CADPS2: variants seen among roughly 807,000 people sequenced by gnomAD.
The protein encoded by CADPS2 is calcium-dependent secretion activator 2.
CADPS2 carries 93 observed loss-of-function variants against 172.5 expected under a neutral mutation model. The observed-to-expected ratio is 0.54, with a 90% CI of 0.46 to 0.64. CADPS2 has a LOEUF of 0.64. Among genes scored for constraint, CADPS2 ranks in the 30% least tolerant of loss-of-function variants. The pLI is 0.00. For synonymous variants in CADPS2, 546 were observed against 555.2 expected, an observed-to-expected ratio of 0.98 and a Z score of 0.23; for missense variants, 1,420 against 1,565.9, an observed-to-expected ratio of 0.91 and a Z score of 1.57.
chr7:122,428,452 C>CATAT (rs35344551), intron 17 of CADPS2, among the ~76,000 whole-genome samples: 26 of 144,484 alleles, frequency 1.8e-4, no homozygotes, highest in South Asian at 1.5e-3. Flanking sequence ...TATATACACA[C>CATAT]ATATATATAT....
intron 6 of CADPS2, among the ~76,000 whole-genome samples, chr7:122,590,213 T>C (rs540544409): frequency 6.6e-6 from 1 of 151,988 alleles, no homozygotes; most frequent in East Asian, 1.9e-4. Flanking sequence ...CATGTCCCGA[T>C]TTCAAAACCT....
At chr7:122,343,801 A>G (rs890700487) in intron 28 of CADPS2, among the ~76,000 whole-genome samples, 5 of 152,224 alleles carry the variant, frequency 3.3e-5, no homozygotes, top group African/African-American at 1.2e-4. Context: ...ATTAGCAGAA[A>G]AAGTAAAAGA....
rs140377486 is a variant in CADPS2, at chr7:122,439,804, C to T, written c.2353-1340G>A. ...ACCATTAAATGTGATTATTACTAAACTTTAAGATTAATTTTGTTTCATATG... is the reference window on the plus strand; with the variant it reads ...ACCATTAAATGTGATTATTACTAAATTTTAAGATTAATTTTGTTTCATATG... On this transcript the variant is annotated intron_variant, in intron 16 of 29. Transcript: ENST00000449022. Among the ~76,000 whole-genome samples, 254 of 152,174 alleles carry T rather than the reference C, an allele frequency of 1.7e-3. 1 individual carries two copies. Among genetic ancestry groups the T allele is most frequent in the African/African-American group, 6.0e-3 (251 of 41,536 alleles).
intron 6 of CADPS2, among the ~76,000 whole-genome samples, chr7:122,588,665 A>G (rs1202881968): frequency 6.6e-6 from 1 of 151,990 alleles, no homozygotes; most frequent in Non-Finnish European, 1.5e-5. Flanking sequence ...CTTGGGAAGT[A>G]GAAAATCTTT....
At chr7:122,834,834 G>A (rs1405922274) in intron 1 of CADPS2, among the ~76,000 whole-genome samples, 7 of 152,214 alleles carry the variant, frequency 4.6e-5, no homozygotes, top group Non-Finnish European at 1.0e-4. Context: ...AGGCCTGCCT[G>A]CCTCTGTAGA....
chr7:122,648,192 C>A (rs947597291), intron 3 of CADPS2, among the ~76,000 whole-genome samples: 3 of 152,082 alleles, frequency 2.0e-5, no homozygotes, highest in Admixed American at 6.6e-5. Context: ...TCCCACCCCA[C>A]TGTTTCTTTC....
At chr7:122,432,092 G>A (rs1259835422) in intron 17 of CADPS2, among the ~76,000 whole-genome samples, 7 of 151,772 alleles carry the variant, frequency 4.6e-5, no homozygotes, top group East Asian at 1.9e-4. Context: ...CTTTTGTGAC[G>A]CAGCTGAGGT....
At chr7:122,801,757 C>CTT (rs201820529) in intron 1 of CADPS2, among the ~76,000 whole-genome samples, 1 of 143,950 alleles carries the variant, frequency 6.9e-6, no homozygotes, top group East Asian at 2.0e-4. Context: ...CCAAGAGAAT[C>CTT]TTTTTTTTTA....
chr7:122,365,347 A>G (rs1479075513), intron 25 of CADPS2, among the ~76,000 whole-genome samples: 1 of 152,210 alleles, frequency 6.6e-6, no homozygotes, highest in Non-Finnish European at 1.5e-5. Context: ...GGGATTAACC[A>G]GCTGAGGTGT....
chr7:122,439,458 A>G (rs1422443475), intron 16 of CADPS2: 1 of 152,174 alleles, frequency 6.6e-6, no homozygotes, highest in African/African-American at 2.4e-5. Context: ...GGAATATTGA[A>G]AGAATATGAA....
intron 27 of CADPS2, among the ~76,000 whole-genome samples, chr7:122,358,849 T>C (rs749818323): frequency 6.6e-6 from 1 of 152,154 alleles, no homozygotes; most frequent in Non-Finnish European, 1.5e-5. Context: ...ATCTATGGTA[T>C]AGTATGTTCT....
intron 2 of CADPS2, among the ~76,000 whole-genome samples, chr7:122,681,901 GA>G (rs1259101363): frequency 3.3e-5 from 5 of 151,668 alleles, no homozygotes; most frequent in African/African-American, 1.2e-4. Context: ...AATGGGATTT[GA>G]AAAGCATAAA....
intron 20 of CADPS2, among the ~76,000 whole-genome samples, chr7:122,403,248 A>G (rs1313501721): frequency 1.3e-5 from 2 of 152,156 alleles, no homozygotes; most frequent in African/African-American, 4.8e-5. Context: ...TTTGGGGTAA[A>G]AGTCACTGCA....
chr7:122,575,246 G>A (rs1303551765), intron 7 of CADPS2, among the ~76,000 whole-genome samples: 1 of 151,800 alleles, frequency 6.6e-6, no homozygotes. Context: ...CCAGTGCAAT[G>A]TATGATCCTG....
chr7:122,415,941 C>A (rs974567950), intron 18 of CADPS2, 120 bp downstream of exon 18: 6 of 506,908 alleles, frequency 1.2e-5, no homozygotes, highest in Non-Finnish European at 2.1e-5. Flanking sequence ...ATCGTTGGTG[C>A]TTATTCGTTA....
chr7:122,410,965 A>G (rs1014120059), intron 19 of CADPS2, among the ~76,000 whole-genome samples: 1 of 152,174 alleles, frequency 6.6e-6, no homozygotes, highest in Non-Finnish European at 1.5e-5. Context: ...TAACTTGCCC[A>G]AAGTCATACA....
Position 122,828,986 on chromosome 7 carries a change from C to G in CADPS2, c.339+57013G>C, listed in dbSNP as rs148019001. Among the ~76,000 whole-genome samples the G allele has an allele frequency of 1.6e-4, 25 of 152,258 alleles. 1 individual carries two copies. In the East Asian group the frequency reaches 4.4e-3, roughly 27 times the overall value. On this transcript the variant is annotated intron_variant, in intron 1 of 29. Transcript: ENST00000449022. ...ACTTCTCCTTTGGTTATCTCTTATA[C>G]CATCTTTTCTGGACCTCATGTGTGC... is the stretch of plus-strand genomic sequence containing the variant.
intron 1 of CADPS2, among the ~76,000 whole-genome samples, chr7:122,799,019 T>C (rs1339548298): frequency 1.3e-5 from 2 of 151,968 alleles, no homozygotes; most frequent in Non-Finnish European, 2.9e-5. Flanking sequence ...TTTAGAGAAA[T>C]GGTCTTCCAA....
chr7:122,575,365 T>C (rs2067879665), intron 7 of CADPS2, among the ~76,000 whole-genome samples: 1 of 152,022 alleles, frequency 6.6e-6, no homozygotes, highest in Non-Finnish European at 1.5e-5. Context: ...CAATATTAAA[T>C]TTCTTAGGTG....
Sources: gnomAD v4.1 joint callset for allele counts (sites outside exome capture counted in the v4.1 genomes callset) on GRCh38, gnomAD v4.1.1 for gene constraint, MANE v1.5 for transcripts, NCBI Gene and HGNC (gene_info 2026-07-23, HGNC 2026-07-21) for gene names.